The following SNTG2 variants were observed in gnomAD, a reference collection of about 807,000 sequenced individuals.
The protein encoded by SNTG2 is gamma-2-syntrophin.
A neutral mutation model predicts 70.9 loss-of-function variants in SNTG2; 74 were observed. The ratio of observed to expected loss-of-function variants is 1.04; its 90% confidence interval spans 0.86 to 1.27. The LOEUF is 1.27. Among genes scored for constraint, SNTG2 ranks in the 50% most tolerant of loss-of-function variants. SNTG2 has a pLI of 0.00. For missense variants in SNTG2, 717 were observed against 690.7 expected, an observed-to-expected ratio of 1.04 and a Z score of -0.43; for synonymous variants, 278 against 273.8, an observed-to-expected ratio of 1.02 and a Z score of -0.15.
At chr2:1,322,068 C>G (rs192299048) in intron 16 of SNTG2, among the ~76,000 whole-genome samples, 18 of 152,248 alleles carry the variant, frequency 1.2e-4, no homozygotes, top group African/African-American at 3.9e-4. Flanking sequence ...GATGTTTGAA[C>G]ACAACATCTT....
intron 8 of SNTG2, among the ~76,000 whole-genome samples, chr2:1,188,599 G>A (rs1323054446): frequency 2.0e-5 from 3 of 152,222 alleles, no homozygotes; most frequent in Admixed American, 6.5e-5. Flanking sequence ...AAGACAAAGT[G>A]CATTGTTAAA....
intron 4 of SNTG2, among the ~76,000 whole-genome samples, chr2:1,126,303 C>T (rs1349758566): frequency 2.0e-5 from 3 of 152,206 alleles, no homozygotes; most frequent in Non-Finnish European, 4.4e-5. Flanking sequence ...CACTCTGCCA[C>T]GAATGGGAGT....
At chr2:1,015,362 T>C (rs2148001680) in intron 1 of SNTG2, among the ~76,000 whole-genome samples, 2 of 152,248 alleles carry the variant, frequency 1.3e-5, no homozygotes, top group South Asian at 4.1e-4. Flanking sequence ...AAATAAAATA[T>C]CCACACATAT....
At chr2:1,263,324 G>A (rs1181948856) in intron 13 of SNTG2, among the ~76,000 whole-genome samples, 1 of 151,960 alleles carries the variant, frequency 6.6e-6, no homozygotes, top group Non-Finnish European at 1.5e-5. Flanking sequence ...GCATGAAAGA[G>A]AATATTAATT....
intron 8 of SNTG2, among the ~76,000 whole-genome samples, chr2:1,177,465 G>C (rs4971404): frequency 0.56 from 84,081 of 151,046 alleles, 24,628 homozygotes; most frequent in East Asian, 0.75. Context: ...ACATCCTGCA[G>C]ATGTACTCTG....
chr2:1,168,298 C>A (rs1164766648), intron 7 of SNTG2, among the ~76,000 whole-genome samples: 1 of 151,630 alleles, frequency 6.6e-6, no homozygotes, highest in African/African-American at 2.4e-5. Flanking sequence ...CGCCCACAGA[C>A]GGCAGAACTG....
intron 2 of SNTG2, among the ~76,000 whole-genome samples, chr2:1,085,419 G>A (rs2148177887): frequency 6.6e-6 from 1 of 152,300 alleles, no homozygotes; most frequent in Non-Finnish European, 1.5e-5. Context: ...ATGCTCATAG[G>A]TATAGACTTA....
rs1268557679 is a variant in SNTG2, at chr2:1,097,445, A to G, written c.211-751A>G. Among the ~76,000 whole-genome samples, 2 of 151,962 alleles carry G rather than the reference A, an allele frequency of 1.3e-5. No homozygotes were observed. Among genetic ancestry groups the G allele is most frequent in the Admixed American group, 1.3e-4 (2 of 15,260 alleles). Reference sequence around the variant, plus strand: ...TGTAGTGTATTTTTGAGGTAAAAGCACCCTTTGGCCACTGTCCGTCTACCC... The same window carrying G: ...TGTAGTGTATTTTTGAGGTAAAAGCGCCCTTTGGCCACTGTCCGTCTACCC... On this transcript the variant is annotated intron_variant, in intron 2 of 16. Coordinates refer to ENST00000308624, the MANE Select transcript of SNTG2 (RefSeq NM_018968.4). This position sits in a 1 kb window ranked among gnomAD's most constrained non-coding sequence, Gnocchi z 4.1.
In SNTG2 at chr2:1,327,168, A is replaced by T. The variant is rs182625700; in HGVS notation, c.1488+10793A>T. Among the ~76,000 whole-genome samples the T allele has an allele frequency of 1.3e-4, 20 of 151,376 alleles. No individual in the cohort carries two copies. The East Asian group carries it at 2.9e-3, about 22-fold the overall frequency. Reference sequence around the variant, plus strand: ...ATAGTGTAAACCTAAGAAGTAAGGGATTTTTTTTTAACTGTCACTCAGGTA... The same window carrying T: ...ATAGTGTAAACCTAAGAAGTAAGGGTTTTTTTTTTAACTGTCACTCAGGTA... On this transcript the variant is annotated intron_variant, in intron 16 of 16. Transcript: ENST00000308624.
chr2:1,221,871 C>G (rs1253469511), intron 9 of SNTG2, among the ~76,000 whole-genome samples: 2,739 of 2,922 alleles, frequency 0.94, 1,317 homozygotes, highest in East Asian at 1. Flanking sequence ...CTCTGTCTCT[C>G]TCTCTCTCTG....
chr2:1,355,097 C>T (rs1189776163), intron 16 of SNTG2, among the ~76,000 whole-genome samples: 3 of 152,232 alleles, frequency 2.0e-5, no homozygotes, highest in Admixed American at 1.3e-4. Context: ...ACATTTCACA[C>T]CGTGGTTCTT....
chr2:1,045,507 T>G (rs1374914963), intron 1 of SNTG2, among the ~76,000 whole-genome samples: 1 of 152,076 alleles, frequency 6.6e-6, no homozygotes, highest in African/African-American at 2.4e-5. Flanking sequence ...ACTTTTTGAT[T>G]TGGGTGTTTA....
At chr2:1,096,946 A>G (rs1174052313) in intron 2 of SNTG2, among the ~76,000 whole-genome samples, 1 of 152,198 alleles carries the variant, frequency 6.6e-6, no homozygotes, top group Non-Finnish European at 1.5e-5. Flanking sequence ...ACAGTCTAAC[A>G]CCAAGAAAAA....
chr2:1,334,200 C>T (rs1163287398), intron 16 of SNTG2, among the ~76,000 whole-genome samples: 1 of 152,122 alleles, frequency 6.6e-6, no homozygotes, highest in Admixed American at 6.5e-5. Flanking sequence ...AAATGCTCAA[C>T]ATCAGTAATT....
At chr2:1,315,868 T>C (rs1681252348) in intron 15 of SNTG2, among the ~76,000 whole-genome samples, 1 of 152,158 alleles carries the variant, frequency 6.6e-6, no homozygotes, top group Admixed American at 6.5e-5. Flanking sequence ...CTGGAACTTT[T>C]AGTGATTTTT....
chr2:1,044,851 C>CT (rs1414372542), intron 1 of SNTG2, among the ~76,000 whole-genome samples: 6 of 151,632 alleles, frequency 4.0e-5, no homozygotes, highest in South Asian at 2.1e-4. Flanking sequence ...CTGACGTTTT[C>CT]TTTTTTTTGA....
At chr2:1,268,244 T>G (rs1678853215) in intron 14 of SNTG2, among the ~76,000 whole-genome samples, 1 of 152,214 alleles carries the variant, frequency 6.6e-6, no homozygotes, top group Admixed American at 6.5e-5. Flanking sequence ...AGCTCTGACT[T>G]CACACCAAAG....
chr2:1,286,849 A>G (rs1679785213), intron 14 of SNTG2, among the ~76,000 whole-genome samples: 2 of 152,236 alleles, frequency 1.3e-5, no homozygotes, highest in African/African-American at 2.4e-5. Context: ...TTGACACTCA[A>G]TATTAACCAT....
intron 9 of SNTG2, among the ~76,000 whole-genome samples, chr2:1,214,425 A>T (rs759024853): frequency 2.6e-5 from 4 of 152,134 alleles, no homozygotes; most frequent in Non-Finnish European, 4.4e-5. Flanking sequence ...AATTTCCTTT[A>T]TCAATGTATA....
Sources: gnomAD v4.1 joint callset for allele counts (sites outside exome capture counted in the v4.1 genomes callset) on GRCh38, gnomAD v4.1.1 for gene constraint, Gnocchi (gnomAD v3.1) non-coding constraint, MANE v1.5 for transcripts, NCBI Gene and HGNC (gene_info 2026-07-23, HGNC 2026-07-21) for gene names.